STK32B: variants seen among roughly 807,000 people sequenced by gnomAD.
The protein encoded by STK32B is serine/threonine kinase 32B, also known as serine/threonine-protein kinase 32B.
STK32B carries 43 observed loss-of-function variants against 52.6 expected under a neutral mutation model. The observed-to-expected ratio is 0.82, with a 90% CI of 0.64 to 1.05. STK32B has a LOEUF of 1.05. Among genes scored for constraint, STK32B ranks in the 50% least tolerant of loss-of-function variants. STK32B has a pLI of 0.00. For missense variants in STK32B, 621 were observed against 534.6 expected (o/e 1.16, Z -1.59); for synonymous variants, 238 against 204.3 (o/e 1.17, Z -1.41).
rs59488287 is a variant in STK32B, at chr4:5,444,123, C to T, written c.563-2550C>T. On this transcript the variant is annotated intron_variant, in intron 6 of 11. Transcript: ENST00000282908. ...GCAGGCCTCCTTGAGCTGTGGTGGG[C>T]TCCGCCCAGTTGGAGCTTCCGGGCT... 8.7e-3 allele frequency among the ~76,000 whole-genome samples: 1,331 copies of T among 152,268 alleles called. 24 individuals carry two copies. The highest frequency in any genetic ancestry group is 0.03 in the African/African-American group (1,241 of 41,532).
intron 11 of STK32B, among the ~76,000 whole-genome samples, chr4:5,488,604 T>C (rs557134903): frequency 8.5e-4 from 130 of 152,330 alleles, no homozygotes; most frequent in African/African-American, 3.0e-3. Flanking sequence ...ACATAGACCA[T>C]GCATGACATG....
chr4:5,490,482 T>C (rs1719628460), intron 11 of STK32B, among the ~76,000 whole-genome samples: 1 of 152,130 alleles, frequency 6.6e-6, no homozygotes, highest in South Asian at 2.1e-4. Flanking sequence ...TATACTGAAT[T>C]GGACAAAGAA....
At chr4:5,486,253 C>A (rs1234565129) in intron 11 of STK32B, among the ~76,000 whole-genome samples, 1 of 152,212 alleles carries the variant, frequency 6.6e-6, no homozygotes. Context: ...AGCTTCCCAG[C>A]CTCTTTGTTT....
chr4:5,451,399 G>T (rs1715980188), intron 7 of STK32B, among the ~76,000 whole-genome samples: 1 of 152,166 alleles, frequency 6.6e-6, no homozygotes, highest in African/African-American at 2.4e-5. Flanking sequence ...AAGGACCTGA[G>T]GCCAGCTGGA....
intron 3 of STK32B, among the ~76,000 whole-genome samples, chr4:5,187,160 G>A (rs751598963): frequency 1.3e-4 from 20 of 152,332 alleles, no homozygotes; most frequent in Middle Eastern, 6.8e-3. Flanking sequence ...CCAGGGTCAC[G>A]TGGAAGAGCC....
chr4:5,484,051 G>C (rs571360748), intron 11 of STK32B, among the ~76,000 whole-genome samples: 2 of 152,112 alleles, frequency 1.3e-5, no homozygotes. Flanking sequence ...ATGTGGAAAA[G>C]AATGTATATT....
At chr4:5,227,931 G>C (rs956857194) in intron 3 of STK32B, among the ~76,000 whole-genome samples, 2 of 152,150 alleles carry the variant, frequency 1.3e-5, no homozygotes, top group Non-Finnish European at 2.9e-5. Context: ...GGAGCCAGCA[G>C]TTTCGCCCAT....
chr4:5,235,614 A>T (rs1166495730), intron 3 of STK32B, among the ~76,000 whole-genome samples: 1 of 152,132 alleles, frequency 6.6e-6, no homozygotes, highest in Non-Finnish European at 1.5e-5. Context: ...AAAAATTGGG[A>T]TCCTACTTTA....
At chr4:5,100,065 A>G (rs1259692781) in intron 1 of STK32B, among the ~76,000 whole-genome samples, 1 of 152,118 alleles carries the variant, frequency 6.6e-6, no homozygotes, top group African/African-American at 2.4e-5. Flanking sequence ...TAACCTCTGA[A>G]ATGAGGCACA....
chr4:5,254,185 G>A (rs758251929), intron 3 of STK32B, among the ~76,000 whole-genome samples: 1 of 152,114 alleles, frequency 6.6e-6, no homozygotes, highest in African/African-American at 2.4e-5. Context: ...ATTTATCTAT[G>A]TTTGCAAATT....
chr4:5,126,757 A>G (rs1217622773), intron 1 of STK32B, among the ~76,000 whole-genome samples: 1 of 152,206 alleles, frequency 6.6e-6, no homozygotes, highest in Non-Finnish European at 1.5e-5. Flanking sequence ...TCACCTGTAA[A>G]GGCCGCCTAT....
upstream of STK32B, among the ~76,000 whole-genome samples, chr4:5,048,422 G>A (rs923444741): frequency 2.0e-5 from 3 of 151,360 alleles, no homozygotes; most frequent in East Asian, 5.9e-4. Context: ...TCAGCCTCCC[G>A]AGTAGCTGAG....
At chr4:5,261,654 C>T (rs932547318) in intron 3 of STK32B, among the ~76,000 whole-genome samples, 1 of 152,168 alleles carries the variant, frequency 6.6e-6, no homozygotes, top group Non-Finnish European at 1.5e-5. Context: ...ACCCCAATTT[C>T]ATCCTTAAAA....
At chr4:5,493,554 G>C (rs1577062561) in intron 11 of STK32B, among the ~76,000 whole-genome samples, 1 of 152,170 alleles carries the variant, frequency 6.6e-6, no homozygotes, top group East Asian at 1.9e-4. Flanking sequence ...AATTTTTGAA[G>C]GGTTTTTTTG....
In STK32B at chr4:5,139,953, T is replaced by G; in HGVS notation, c.101T>G (p.Phe34Cys). ...CTGCGGGCCATTGGTAAAGGGAGTT[T>G]TGGAAAGGTAAGAATATAAATGTCT... ...QILRAIGKGSFGKVCIVQKRD... is the reference protein window; with the variant it reads ...QILRAIGKGSCGKVCIVQKRD... Residue 34 changes from phenylalanine (F) to cysteine (C), a missense_variant, in exon 2 of 12, where the codon TTT becomes TGT. Phe to Cys is a radical substitution (Grantham distance 205). Coordinates refer to ENST00000282908, the MANE Select transcript of STK32B (RefSeq NM_018401.3). The G allele has an allele frequency of 5.6e-6, 9 of 1,614,168 alleles. No individual in the cohort carries two copies. Among genetic ancestry groups the G allele is most frequent in the Non-Finnish European group, 7.6e-6 (9 of 1,180,030 alleles).
At chr4:5,248,927 G>A (rs1725669966) in intron 3 of STK32B, among the ~76,000 whole-genome samples, 1 of 150,102 alleles carries the variant, frequency 6.7e-6, no homozygotes. Context: ...GACTGTTGTG[G>A]GGTGGGGGGA....
intron 4 of STK32B, among the ~76,000 whole-genome samples, chr4:5,335,896 C>T (rs929063875): frequency 1.3e-5 from 2 of 151,586 alleles, no homozygotes; most frequent in East Asian, 3.9e-4. Context: ...GCTTTATTTC[C>T]AACTATGTGG....
intron 11 of STK32B, 42 bp downstream of exon 11, chr4:5,468,112 A>G (rs1717584361): frequency 6.2e-7 from 1 of 1,602,424 alleles, no homozygotes; most frequent in African/African-American, 1.3e-5. Flanking sequence ...AGCCTGTCCT[A>G]AGTGACCCAA....
At chr4:5,492,924 G>A (rs1348737721) in intron 11 of STK32B, among the ~76,000 whole-genome samples, 1 of 151,052 alleles carries the variant, frequency 6.6e-6, no homozygotes, top group African/African-American at 2.5e-5. Flanking sequence ...CAGGGATGAA[G>A]CCCACTTGAT....
Sources: gnomAD v4.1 joint callset for allele counts (sites outside exome capture counted in the v4.1 genomes callset) on GRCh38, gnomAD v4.1.1 for gene constraint, MANE v1.5 for transcripts, NCBI Gene and HGNC (gene_info 2026-07-23, HGNC 2026-07-21) for gene names.